Variants in NEMP1 observed in about 807,000 individuals in gnomAD.
NEMP1 encodes the protein transmembrane protein 194.
In NEMP1, 29 loss-of-function variants were observed where a neutral mutation model predicts 53.7. That is an observed-to-expected ratio of 0.54 (90% CI 0.40 to 0.74). The LOEUF is 0.74. Among genes scored for constraint, NEMP1 ranks in the 30% least tolerant of loss-of-function variants. NEMP1 has a pLI of 0.00. For missense variants in NEMP1, 477 were observed against 528.6 expected (o/e 0.90, Z 0.96); for synonymous variants, 193 against 192.9 (o/e 1.00, Z 0.00).
chr12:57,061,693 CAAAAA>C (rs35332826), intron 7 of NEMP1, among the ~76,000 whole-genome samples: 1 of 89,588 alleles, frequency 1.1e-5, no homozygotes, highest in African/African-American at 5.0e-5. Context: ...AACTCCATCT[CAAAAA>C]AAAAAAAAAA....
At chr12:57,070,411 G>T (rs548457570) in intron 3 of NEMP1, among the ~76,000 whole-genome samples, 1 of 152,348 alleles carries the variant, frequency 6.6e-6, no homozygotes, top group South Asian at 2.1e-4. Flanking sequence ...GCAGCACAAT[G>T]TAATTGGGAA....
intron 1 of NEMP1, among the ~76,000 whole-genome samples, chr12:57,076,634 C>A (rs1257620236): frequency 2.0e-5 from 3 of 151,728 alleles, no homozygotes; most frequent in African/African-American, 7.3e-5. Context: ...GGTGAAACCC[C>A]GTCTGTACAA....
Position 57,063,291 on chromosome 12 carries a change from G to A in NEMP1, c.808C>T (p.Pro270Ser). The change falls in exon 7 of 9, where the codon CCC (proline) becomes TCC (serine). Residue 270 changes from proline (P) to serine (S), a missense_variant. Transcript: ENST00000300128. Reference protein sequence around the residue: ...MSFAVCYKYGPLENERSINLL... With the variant: ...MSFAVCYKYGSLENERSINLL... ...TTGATACTTCGTTCATTCTCCAAGG[G>A]CCCATACTTGTAACATACTGCAAAA... is the stretch of plus-strand genomic sequence containing the variant. The A allele has an allele frequency of 6.2e-7, 1 of 1,614,156 alleles. No individual in the cohort carries two copies. The highest frequency in any genetic ancestry group is 1.6e-4 in the Middle Eastern group (1 of 6,062).
chr12:57,078,549 G>C, intron 1 of NEMP1, 70 bp downstream of exon 1: 8 of 1,533,824 alleles, frequency 5.2e-6, no homozygotes, highest in Non-Finnish European at 7.0e-6. Flanking sequence ...CCGCGCCCTC[G>C]GGACAATCCC....
chr12:57,082,849 AAAG>A (rs1457583785), upstream of NEMP1, among the ~76,000 whole-genome samples: 1 of 151,586 alleles, frequency 6.6e-6, no homozygotes, highest in Non-Finnish European at 1.5e-5. Context: ...CCGTCTCTAC[AAAG>A]AATACAAAAA....
At chr12:57,086,252 G>A (rs534558966) in intron 1 of NEMP1, among the ~76,000 whole-genome samples, 60 of 152,264 alleles carry the variant, frequency 3.9e-4, no homozygotes, top group African/African-American at 1.4e-3. Context: ...CCCTTTCCTC[G>A]CAATCGTTTC....
chr12:57,062,810 C>A (rs2031882013), intron 7 of NEMP1, among the ~76,000 whole-genome samples: 1 of 152,144 alleles, frequency 6.6e-6, no homozygotes, highest in African/African-American at 2.4e-5. Context: ...CGCCACTGCA[C>A]TCCAGCCTGG....
At chr12:57,083,395 A>G (rs75883456), upstream of NEMP1, among the ~76,000 whole-genome samples, 2,426 of 152,368 alleles carry the variant, frequency 0.016, 53 homozygotes, top group African/African-American at 0.054. Context: ...TTCAGAGTCT[A>G]TAACACACAA....
At position 57,076,786 on chromosome 12, in the gene NEMP1, G is replaced by A. The variant is rs2032640700; in HGVS notation, c.127+1833C>T. Among the ~76,000 whole-genome samples, 2 of 151,110 alleles carry A rather than the reference G, an allele frequency of 1.3e-5. 1 individual carries two copies. The highest frequency in any genetic ancestry group is 4.2e-4 in the South Asian group (2 of 4,778). Reference sequence around the variant, plus strand: ...GCCATTGCACTCCAGCCTAGGCAACGAGGGCGAAACTCTGTCTCAAAAAAA... The same window carrying A: ...GCCATTGCACTCCAGCCTAGGCAACAAGGGCGAAACTCTGTCTCAAAAAAA... On this transcript the variant is annotated intron_variant, in intron 1 of 8. Coordinates refer to ENST00000300128, the MANE Select transcript of NEMP1 (RefSeq NM_001130963.2).
chr12:57,056,076 G>A lies in NEMP1; in HGVS notation c.*3803C>T, dbSNP rs1031931826. ...TGTGAAAGAGGAAGATGACACACACGTGGGATGGTGTGGAAATCCAAAGCC... is the reference window on the plus strand; with the variant it reads ...TGTGAAAGAGGAAGATGACACACACATGGGATGGTGTGGAAATCCAAAGCC... On this transcript the variant is annotated 3_prime_UTR_variant, in exon 9 of 9. Transcript: ENST00000300128. 1.3e-5 allele frequency: 2 copies of A among 152,174 alleles called. No individual in the cohort carries two copies. Among genetic ancestry groups the A allele is most frequent in the African/African-American group, 2.4e-5 (1 of 41,440 alleles). The allele number at this position is 152,174 out of a possible 1,614,324, so 9.4% of individuals were successfully genotyped here.
At chr12:57,075,012 C>T (rs2032535045) in intron 1 of NEMP1, among the ~76,000 whole-genome samples, 5 of 152,032 alleles carry the variant, frequency 3.3e-5, no homozygotes, top group Admixed American at 2.0e-4. Context: ...ATCGCTTGAA[C>T]CTGGGAGGGG....
intron 1 of NEMP1, among the ~76,000 whole-genome samples, chr12:57,085,184 T>G (rs2136531982): frequency 6.6e-6 from 1 of 152,294 alleles, no homozygotes; most frequent in African/African-American, 2.4e-5. Flanking sequence ...TTGTTTTTGT[T>G]TTTGTTTTTT....
At chr12:57,086,780 G>A (rs1370456703) in intron 1 of NEMP1, among the ~76,000 whole-genome samples, 2 of 152,094 alleles carry the variant, frequency 1.3e-5, no homozygotes, top group African/African-American at 2.4e-5. Flanking sequence ...TTTAAATAGG[G>A]GCTCATACAC....
chr12:57,071,044 T>C, intron 2 of NEMP1, 151 bp from the exon 3 acceptor site: 1 of 644,072 alleles, frequency 1.6e-6, no homozygotes, highest in South Asian at 2.0e-5. Context: ...AGAAATACAG[T>C]GGCTAAAACA....
chr12:57,075,726 G>A (rs1173317099), intron 1 of NEMP1, among the ~76,000 whole-genome samples: 1 of 152,038 alleles, frequency 6.6e-6, no homozygotes, highest in Non-Finnish European at 1.5e-5. Context: ...CAGCACTTTG[G>A]GAGGCTGAGG....
intron 1 of NEMP1, among the ~76,000 whole-genome samples, chr12:57,085,555 TA>T (rs2032967229): frequency 6.6e-6 from 1 of 152,252 alleles, no homozygotes; most frequent in African/African-American, 2.4e-5. Flanking sequence ...TGGTTAGGAT[TA>T]TCTGTCTTTC....
chr12:57,073,155 GTATC>G (rs1487840253), intron 1 of NEMP1, among the ~76,000 whole-genome samples: 2 of 151,366 alleles, frequency 1.3e-5, no homozygotes, highest in East Asian at 3.9e-4. Context: ...CTACTATTAA[GTATC>G]TATTTTTTTT....
upstream of NEMP1, among the ~76,000 whole-genome samples, chr12:57,083,096 T>C (rs2032896523): frequency 1.3e-5 from 2 of 152,206 alleles, no homozygotes; most frequent in Admixed American, 1.3e-4. Context: ...TGTAGGTATA[T>C]ATACACATAT....
chr12:57,070,934 G>T (rs1441897675), intron 2 of NEMP1, 41 bp from the exon 3 acceptor site: 1 of 1,519,936 alleles, frequency 6.6e-7, no homozygotes, highest in Non-Finnish European at 8.9e-7. Flanking sequence ...AAAGGAAGTA[G>T]GAATTTTAAT....
Sources: gnomAD v4.1 joint callset for allele counts (sites outside exome capture counted in the v4.1 genomes callset) on GRCh38, gnomAD v4.1.1 for gene constraint, MANE v1.5 for transcripts, NCBI Gene and HGNC (gene_info 2026-07-23, HGNC 2026-07-21) for gene names.